The following AHNAK variants were observed in gnomAD, a reference collection of about 807,000 sequenced individuals.
AHNAK encodes AHNAK nucleoprotein.
Under a neutral mutation model 37.8 loss-of-function variants are expected in AHNAK, and 23 were observed. The observed-to-expected ratio is 0.61, with a 90% confidence interval of 0.44 to 0.86. The LOEUF (loss-of-function observed/expected upper bound fraction) is 0.86, where lower values mean the gene tolerates loss of function less well. Ranked by LOEUF, AHNAK falls within the 40% of genes least tolerant of loss-of-function variation. The pLI is 0.00. For missense variants in AHNAK, 7,411 were observed against 7,319.4 expected (o/e 1.01, Z -0.46); for synonymous variants, 2,481 against 2,636.3 (o/e 0.94, Z 1.80).
chr11:62,445,926 G>C (rs1938415516), intron 5 of AHNAK, among the ~76,000 whole-genome samples: 1 of 149,526 alleles, frequency 6.7e-6, no homozygotes, highest in East Asian at 2.0e-4. Flanking sequence ...TGAGGCAGGA[G>C]AATCACTTGA....
At position 62,520,705 on chromosome 11, in the gene AHNAK, C is replaced by T. The variant is rs780561501; in HGVS notation, c.13712G>A (p.Gly4571Asp). Reference protein sequence around the residue: ...GIDTPDIDIHGPEGKLKGPKF... With the variant: ...GIDTPDIDIHDPEGKLKGPKF... ...GGGGCCCTTCAGTTTCCCTTCTGGA[C>T]CATGAATGTCAATATCAGGAGTGTC... The change falls in exon 5 of 5, where the codon GGT (glycine) becomes GAT (aspartate). Residue 4571 changes from glycine (G) to aspartate (D), a missense_variant. Gly to Asp is a moderately conservative substitution (Grantham distance 94). Transcript: ENST00000378024. 6.2e-7 allele frequency: 1 copy of T among 1,614,114 alleles called. No individual in the cohort carries two copies. Among genetic ancestry groups the T allele is most frequent in the Non-Finnish European group, 8.5e-7 (1 of 1,180,024 alleles).
In AHNAK at chr11:62,516,757, G is replaced by C; in HGVS notation, c.17660C>G (p.Thr5887Arg). 1 of 1,610,610 alleles carries C rather than the reference G, an allele frequency of 6.2e-7. No individual in the cohort carries two copies. Residue 5887 changes from threonine (T) to arginine (R), a missense_variant, in exon 5 of 5, where the codon ACA becomes AGA. Coordinates refer to ENST00000378024, the MANE Select transcript of AHNAK (RefSeq NM_001620.3). ...TACAAAGGCCTGCTACTCTTTCTTT[G>C]TGGAAACTGACAGCTCCACCTCGGG... ...QLPEVELSVS[T>R]KKE
Position 62,528,786 on chromosome 11 carries a change from C to T in AHNAK, c.5631G>A (p.Val1877=). Residue 1877 remains valine (V), a synonymous_variant, in exon 5 of 5, where the codon GTG becomes GTA. Transcript: ENST00000378024. ...PKVKGDADVS[V]PKLEGDLTGP... ...CTGTTAAATCTCCCTCCAATTTTGG[C>T]ACCGACACATCCGCATCCCCTTTGA... 6.2e-7 allele frequency: 1 copy of T among 1,612,388 alleles called. No individual in the cohort carries two copies. Among genetic ancestry groups the T allele is most frequent in the South Asian group, 1.1e-5 (1 of 90,974 alleles).
rs554880753 is a variant in AHNAK at position 62,479,729 on chromosome 11, G to A, written c.442+12003C>T. On this transcript the variant is annotated intron_variant, in intron 5 of 5. Coordinates refer to the AHNAK transcript ENST00000257247. ...AATGCCTTCCATTCCCTTCTTCCACGACGCACGAAACAGATAAGGCATGAA... is the reference window on the plus strand; with the variant it reads ...AATGCCTTCCATTCCCTTCTTCCACAACGCACGAAACAGATAAGGCATGAA... Among the ~76,000 whole-genome samples, 44 of 152,082 alleles carry A rather than the reference G, an allele frequency of 2.9e-4. 1 individual carries two copies. In the South Asian group the frequency reaches 8.3e-3, roughly 29 times the overall value.
At chr11:62,511,245 T>G (rs1406149316), downstream of AHNAK, among the ~76,000 whole-genome samples, 3 of 152,018 alleles carry the variant, frequency 2.0e-5, no homozygotes, top group Admixed American at 6.6e-5. Flanking sequence ...TTTTTTGTTT[T>G]TTTTTTTTTG....
In AHNAK at chr11:62,521,285, T is replaced by C. The variant is rs576939599; in HGVS notation, c.13132A>G (p.Met4378Val). ...LKGPKFKMPEMNIKAPKISMP... is the reference protein window; with the variant it reads ...LKGPKFKMPEVNIKAPKISMP... ...GAGATTTTGGGGGCCTTGATGTTCA[T>C]CTCTGGCATCTTGAACTTTGGACCC... Residue 4378 changes from methionine to valine, a missense_variant, in exon 5 of 5, where the codon ATG becomes GTG. Met to Val is a conservative substitution (Grantham distance 21). Transcript: ENST00000378024. The C allele has an allele frequency of 6.2e-7, 1 of 1,613,828 alleles. No individual in the cohort carries two copies. Among genetic ancestry groups the C allele is most frequent in the Admixed American group, 1.7e-5 (1 of 59,976 alleles).
chr11:62,470,456 AT>A (rs1367463915), intron 5 of AHNAK, among the ~76,000 whole-genome samples: 1 of 151,852 alleles, frequency 6.6e-6, no homozygotes, highest in Non-Finnish European at 1.5e-5. Flanking sequence ...AAAAAAAAAA[AT>A]TAGCTGGGCG....
chr11:62,515,604 AT>A (rs1939995462), downstream of AHNAK, among the ~76,000 whole-genome samples: 1 of 152,242 alleles, frequency 6.6e-6, no homozygotes, highest in African/African-American at 2.4e-5. Flanking sequence ...AACTGTTCAC[AT>A]CTGTAACCCA....
At position 62,531,972 on chromosome 11, in the gene AHNAK, G is replaced by A. The variant is rs771610875; in HGVS notation, c.2445C>T (p.Val815=). ...CCACATCAGGCATGGAGATCTTGGG[G>A]ACTTTGATGTTCATCTCAGGCATCT... is the stretch of plus-strand genomic sequence containing the variant. ...KFKMPEMNIK[V]PKISMPDVDL... Residue 815 remains valine, a synonymous_variant, in exon 5 of 5, where the codon GTC becomes GTT. Coordinates refer to ENST00000378024, the MANE Select transcript of AHNAK (RefSeq NM_001620.3). 5.0e-5 allele frequency: 80 copies of A among 1,612,794 alleles called. No homozygotes were observed. In the South Asian group the frequency reaches 8.6e-4, roughly 17 times the overall value.
intron 4 of AHNAK, among the ~76,000 whole-genome samples, chr11:62,508,479 G>A (rs1022729598): frequency 2.0e-5 from 3 of 152,198 alleles, no homozygotes; most frequent in Admixed American, 6.5e-5. Flanking sequence ...GGACTAGAAC[G>A]CCCTGTCCAA....
In AHNAK at chr11:62,531,465, G is replaced by A. The variant is rs758212350; in HGVS notation, c.2952C>T (p.Ala984=). Residue 984 remains alanine (A), a synonymous_variant, in exon 5 of 5, where the codon GCC becomes GCT. Transcript: ENST00000378024. Reference sequence around the variant, plus strand: ...CAGGACCCTGCATTTCAACATCTGGGGCACTGACATCTACTTTTGGGCCTT... The same window carrying A: ...CAGGACCCTGCATTTCAACATCTGGAGCACTGACATCTACTTTTGGGCCTT... ...DLKGPKVDVS[A]PDVEMQGPDW... 1.9e-6 allele frequency: 3 copies of A among 1,614,198 alleles called. No individual in the cohort carries two copies. In the South Asian group the frequency reaches 3.3e-5, roughly 18 times the overall value.
chr11:62,537,774 C>A (rs1421203123), intron 1 of AHNAK, among the ~76,000 whole-genome samples: 2 of 152,046 alleles, frequency 1.3e-5, no homozygotes, highest in Non-Finnish European at 2.9e-5. Context: ...CCTCCCCCTC[C>A]CAGGTTCAAG....
At chr11:62,440,587 A>G (rs1938284445) in intron 5 of AHNAK, among the ~76,000 whole-genome samples, 1 of 152,142 alleles carries the variant, frequency 6.6e-6, no homozygotes, top group Admixed American at 6.5e-5. Flanking sequence ...GGGATATTTC[A>G]TGATGACGCC....
intron 5 of AHNAK, among the ~76,000 whole-genome samples, chr11:62,458,117 A>T (rs909280031): frequency 4.0e-5 from 6 of 151,472 alleles, no homozygotes; most frequent in African/African-American, 1.2e-4. Context: ...ACAGGGTTTC[A>T]CCATGTTGAC....
In AHNAK at chr11:62,520,045, G is replaced by A; in HGVS notation, c.14372C>T (p.Pro4791Leu). ...ATCTGGACCTTCTCCTTTGAAGCCA[G>A]GCATGCTGAATTTGGGCATTTTCAC... ...PKVKMPKFSM[P>L]GFKGEGPDVD... Residue 4791 changes from proline (P) to leucine (L), a missense_variant, in exon 5 of 5, where the codon CCT (proline) becomes CTT (leucine). Pro to Leu is a moderately conservative substitution (Grantham distance 98). Transcript: ENST00000378024. 2 of 1,613,716 alleles carry A rather than the reference G, an allele frequency of 1.2e-6. No individual in the cohort carries two copies. The highest frequency in any genetic ancestry group is 1.1e-5 in the South Asian group (1 of 91,048).
At chr11:62,543,354 G>A (rs1384779380) in intron 1 of AHNAK, among the ~76,000 whole-genome samples, 1 of 152,198 alleles carries the variant, frequency 6.6e-6, no homozygotes, top group Non-Finnish European at 1.5e-5. Context: ...AACGCAGGCA[G>A]AGGTGACACA....
At chr11:62,507,693 G>A (rs1387945156) in intron 4 of AHNAK, among the ~76,000 whole-genome samples, 1 of 152,118 alleles carries the variant, frequency 6.6e-6, no homozygotes, top group Admixed American at 6.6e-5. Context: ...AGGAAGCCGA[G>A]GCAGGAGAAT....
chr11:62,468,488 A>T (rs1205200724), intron 5 of AHNAK, among the ~76,000 whole-genome samples: 1 of 152,156 alleles, frequency 6.6e-6, no homozygotes, highest in Non-Finnish European at 1.5e-5. Flanking sequence ...ATAGGAGGCC[A>T]TTGGTTTGGA....
chr11:62,501,969 T>G (rs1939720151), intron 4 of AHNAK, among the ~76,000 whole-genome samples: 1 of 152,184 alleles, frequency 6.6e-6, no homozygotes, highest in Non-Finnish European at 1.5e-5. Context: ...AAAGCCACAC[T>G]TCCTAGACTT....
Sources: allele counts gnomAD v4.1 joint callset (sites outside exome capture counted in the v4.1 genomes callset), GRCh38; gene constraint gnomAD v4.1.1; transcripts MANE v1.5; gene names NCBI Gene and HGNC (gene_info 2026-07-23, HGNC 2026-07-21).